SLC2A7: variants seen among roughly 807,000 people sequenced by gnomAD.
SLC2A7 encodes solute carrier family 2 member 7.
A neutral mutation model predicts 50.5 loss-of-function variants in SLC2A7; 50 were observed. The observed-to-expected ratio is 0.99, with a 90% CI of 0.79 to 1.25. SLC2A7 has a LOEUF of 1.25. Ranked by LOEUF, SLC2A7 falls within the 50% of genes most tolerant of loss-of-function variation. The probability of loss-of-function intolerance (pLI) is 0.00; values close to 1 mark genes in which losing one functional copy is unlikely to be tolerated. For synonymous variants in SLC2A7, 308 were observed against 300.4 expected, an observed-to-expected ratio of 1.03 and a Z score of -0.26; for missense variants, 683 against 679.1, an observed-to-expected ratio of 1.01 and a Z score of -0.06.
chr1:9,002,243 A>G (rs530662696), downstream of SLC2A7, among the ~76,000 whole-genome samples: 2 of 152,106 alleles, frequency 1.3e-5, no homozygotes, highest in East Asian at 3.9e-4. Context: ...ACACCCGTAA[A>G]GGGTCTGTGC....
chr1:9,009,110 C>G (rs1335788371), intron 9 of SLC2A7, among the ~76,000 whole-genome samples: 1 of 152,184 alleles, frequency 6.6e-6, no homozygotes, highest in Non-Finnish European at 1.5e-5. Flanking sequence ...GAGAGGGCAG[C>G]TTGGAAAAGA....
In SLC2A7 at chr1:9,019,273, G is replaced by A. The variant is rs905616571; in HGVS notation, c.372C>T (p.Val124=). The change falls in exon 4 of 12, where the codon GTC becomes GTT. Residue 124 remains valine, a synonymous_variant. Transcript: ENST00000400906. ...FAIIPAILMG[V]SKVAKAFELI... is the part of the protein sequence containing the mutation. ...GCTCAAAAGCCTTGGCCACTTTGCT[G>A]ACTCCCATCAGGATGGCGGGGATGA... The A allele has an allele frequency of 1.9e-6, 3 of 1,614,152 alleles. No individual in the cohort carries two copies. Among genetic ancestry groups the A allele is most frequent in the South Asian group, 1.1e-5 (1 of 91,068 alleles).
Position 9,014,586 on chromosome 1 carries a change from C to T in SLC2A7, c.903+95G>A, listed in dbSNP as rs144995721. On this transcript the variant is annotated intron_variant, in intron 7 of 11. Transcript: ENST00000400906. ...GCCTGGACTGATCCTGGCCCCACTG[C>T]CAGGCCAGGCCTCTGTGGGTGGAAC... is the stretch of plus-strand genomic sequence containing the variant. The T allele has an allele frequency of 1.2e-4, 174 of 1,451,424 alleles. No individual in the cohort carries two copies. In the African/African-American group the frequency reaches 2.2e-3, roughly 19 times the overall value. 89.9% of individuals were successfully genotyped at this position (1,451,424 alleles called of 1,614,324 possible).
intron 1 of SLC2A7, among the ~76,000 whole-genome samples, chr1:9,025,619 G>C (rs1001488470): frequency 4.6e-5 from 7 of 152,060 alleles, no homozygotes; most frequent in African/African-American, 1.7e-4. Context: ...TGTAAGCATC[G>C]GGGGGAAGAG....
At chr1:8,994,634 G>A in the SLC2A7 span, among the ~76,000 whole-genome samples, 6 of 152,128 alleles carry the variant, frequency 3.9e-5, no homozygotes, top group Admixed American at 1.3e-4. Flanking sequence ...GGCAGGTGAC[G>A]GAAGGGAATG....
downstream of SLC2A7, among the ~76,000 whole-genome samples, chr1:9,001,122 A>G (rs182959935): frequency 5.8e-4 from 89 of 152,296 alleles, 1 homozygote; most frequent in East Asian, 0.017. Context: ...GCCAATGGAA[A>G]AAGATGCACG....
downstream of SLC2A7, among the ~76,000 whole-genome samples, chr1:9,002,747 T>C (rs1473103612): frequency 2.0e-5 from 3 of 152,236 alleles, no homozygotes; most frequent in Admixed American, 6.5e-5. Context: ...TATTTCTTTT[T>C]TCAGTCTCTC....
At chr1:8,997,620 G>A in the SLC2A7 span, among the ~76,000 whole-genome samples, 5 of 151,918 alleles carry the variant, frequency 3.3e-5, no homozygotes, top group Admixed American at 2.6e-4. Flanking sequence ...GGCTAGTCTC[G>A]AACTCCTGAC....
intron 5 of SLC2A7, among the ~76,000 whole-genome samples, chr1:9,016,784 C>G (rs576359598): frequency 6.6e-6 from 1 of 152,290 alleles, no homozygotes; most frequent in African/African-American, 2.4e-5. Context: ...TGGCCGCATT[C>G]ATTCAGGCCC....
At chr1:9,000,567 C>A (rs111458600), downstream of SLC2A7, among the ~76,000 whole-genome samples, 4 of 149,104 alleles carry the variant, frequency 2.7e-5, no homozygotes, top group Non-Finnish European at 4.4e-5. Context: ...TGCAGTGAGC[C>A]GAGATTGTGC....
chr1:9,021,977 T>C (rs1640918930), intron 3 of SLC2A7, among the ~76,000 whole-genome samples: 1 of 152,224 alleles, frequency 6.6e-6, no homozygotes, highest in Non-Finnish European at 1.5e-5. Context: ...GCTTGAATTA[T>C]GGTATAGTTA....
chr1:9,020,549 T>G (rs2124262972), intron 3 of SLC2A7, among the ~76,000 whole-genome samples: 1 of 148,098 alleles, frequency 6.8e-6, no homozygotes, highest in African/African-American at 2.5e-5. Context: ...ATGGCTCCTG[T>G]GCCCCCCCCC....
chr1:9,023,838 CTTTTTTTTTTTTTTTTT>C (rs1162143987), intron 2 of SLC2A7, among the ~76,000 whole-genome samples: 6 of 17,174 alleles, frequency 3.5e-4, no homozygotes, highest in Non-Finnish European at 5.9e-4. Context: ...TATTCTTCTT[CTTTTTTTTTTTTTTTTT>C]TTTTTTTTTT....
chr1:9,004,099 C>T (rs1249668695), intron 11 of SLC2A7, among the ~76,000 whole-genome samples: 8 of 151,686 alleles, frequency 5.3e-5, no homozygotes, highest in Admixed American at 5.3e-4. Context: ...CTGTGGCTCA[C>T]ACCTATAATC....
intron 11 of SLC2A7, among the ~76,000 whole-genome samples, chr1:9,003,874 A>C (rs532660541): frequency 7.2e-5 from 11 of 152,000 alleles, no homozygotes; most frequent in Non-Finnish European, 1.5e-4. Context: ...AAAAACAAAA[A>C]CAAAAACCCC....
chr1:9,009,706 C>G (rs1161143921), intron 9 of SLC2A7, among the ~76,000 whole-genome samples: 4 of 152,226 alleles, frequency 2.6e-5, no homozygotes, highest in Non-Finnish European at 5.9e-5. Context: ...GGTCCTCCTG[C>G]CTTGGCCTCC....
At position 9,010,244 on chromosome 1, in the gene SLC2A7, C is replaced by T. The variant is rs184304616; in HGVS notation, c.1015G>A (p.Ala339Thr). Reference protein sequence around the residue: ...VVNIVMTITSAVLVERLGRRH... With the variant: ...VVNIVMTITSTVLVERLGRRH... ...CGTCCCAGCCGCTCCACAAGGACAG[C>T]CTGGAGGGGAAGGGGGACAGTGAGA... The change falls in exon 9 of 12, where the codon GCT (alanine) becomes ACT (threonine). Residue 339 changes from alanine (A) to threonine (T), a missense_variant and splice_region_variant. Coordinates refer to ENST00000400906, the MANE Select transcript of SLC2A7 (RefSeq NM_207420.3). The T allele has an allele frequency of 3.1e-4, 480 of 1,550,744 alleles. 3 individuals carry two copies. The African/African-American group carries it at 5.7e-3, about 18-fold the overall frequency.
chr1:8,994,762 T>G, the SLC2A7 span, among the ~76,000 whole-genome samples: 1 of 151,694 alleles, frequency 6.6e-6, no homozygotes, highest in East Asian at 1.9e-4. Context: ...TTTCTTTTCT[T>G]TTTTTTTCTT....
intron 11 of SLC2A7, among the ~76,000 whole-genome samples, chr1:9,003,727 G>A (rs1030975619): frequency 2.0e-5 from 3 of 152,114 alleles, no homozygotes; most frequent in African/African-American, 7.2e-5. Flanking sequence ...GCATGGTGGT[G>A]TACACCTGTA....
Sources: gnomAD v4.1 joint callset for allele counts (sites outside exome capture counted in the v4.1 genomes callset) on GRCh38, gnomAD v4.1.1 for gene constraint, MANE v1.5 for transcripts, NCBI Gene and HGNC (gene_info 2026-07-23, HGNC 2026-07-21) for gene names.